The following GRM7 variants were observed in gnomAD, a reference collection of about 807,000 sequenced individuals.
GRM7 encodes metabotropic glutamate receptor 7.
GRM7 carries 35 observed loss-of-function variants against 84.5 expected under a neutral mutation model. The ratio of observed to expected loss-of-function variants is 0.41; its 90% confidence interval spans 0.32 to 0.55. GRM7 has a LOEUF of 0.55. Among genes scored for constraint, GRM7 ranks in the 20% least tolerant of loss-of-function variants. The pLI, the probability that GRM7 is intolerant of heterozygous loss-of-function variation, is 0.19. For synonymous variants in GRM7, 487 were observed against 455.1 expected, an observed-to-expected ratio of 1.07 and a Z score of -0.89; for missense variants, 1,003 against 1,194.6, an observed-to-expected ratio of 0.84 and a Z score of 2.36.
intron 2 of GRM7, among the ~76,000 whole-genome samples, chr3:7,279,942 C>A (rs1699199592): frequency 1.3e-5 from 2 of 152,092 alleles, no homozygotes; most frequent in Non-Finnish European, 2.9e-5. Context: ...GTAGCCTGTT[C>A]CCTTCCTTTC....
Position 7,578,460 on chromosome 3 carries a change from A to T in GRM7, c.1554A>T (p.Ile518=), listed in dbSNP as rs986339387. The T allele has an allele frequency of 6.2e-7, 1 of 1,613,474 alleles. No homozygotes were observed. The highest frequency in any genetic ancestry group is 1.1e-5 in the South Asian group (1 of 91,046). Residue 518 remains isoleucine, a synonymous_variant, in exon 8 of 10, where the codon ATA becomes ATT. Coordinates refer to ENST00000357716, the MANE Select transcript of GRM7 (RefSeq NM_000844.4). The part of the protein sequence containing the change: ...DMQWGKGVRE[I]PASVCTLPCK... ...AGTGGGGTAAAGGAGTCCGAGAGAT[A>T]CCCGCCTCAGTGTGCACACTACCAT... is the stretch of plus-strand genomic sequence containing the variant.
At chr3:7,201,607 T>C (rs1426211908) in intron 2 of GRM7, among the ~76,000 whole-genome samples, 1 of 152,226 alleles carries the variant, frequency 6.6e-6, no homozygotes, top group Non-Finnish European at 1.5e-5. Flanking sequence ...CCAGGTATTA[T>C]GTAAATATTT....
In GRM7 at chr3:7,057,139, T is replaced by G. The variant is rs538197087; in HGVS notation, c.520-89313T>G. On this transcript the variant is annotated intron_variant, in intron 1 of 9. Transcript: ENST00000357716. ...CTAACAAAGTAAGTGTTGCCTGTGA[T>G]AGATTCCTAGAAACTTGTTGAAATT... 2.6e-5 allele frequency among the ~76,000 whole-genome samples: 4 copies of G among 151,988 alleles called. 1 individual carries two copies. In the South Asian group the frequency reaches 8.3e-4, roughly 31 times the overall value.
chr3:6,862,908 C>G lies in GRM7; in HGVS notation c.519+1001C>G. On this transcript the variant is annotated intron_variant, in intron 1 of 9. Coordinates refer to ENST00000357716, the MANE Select transcript of GRM7 (RefSeq NM_000844.4). This position sits in a 1 kb window ranked among gnomAD's most constrained non-coding sequence, Gnocchi z 5.2. Reference sequence around the variant, plus strand: ...AGACGGAGAAAAAATGGGAGGAAGGCGGATCCGGGGCCGCTGAGCGGTGGG... The same window carrying G: ...AGACGGAGAAAAAATGGGAGGAAGGGGGATCCGGGGCCGCTGAGCGGTGGG... 4.7e-6 allele frequency: 2 copies of G among 426,016 alleles called. No individual in the cohort carries two copies. Among genetic ancestry groups the G allele is most frequent in the East Asian group, 8.0e-5 (1 of 12,578 alleles). The allele number at this position is 426,016 out of a possible 1,614,324, so 26.4% of individuals were successfully genotyped here.
intron 2 of GRM7, among the ~76,000 whole-genome samples, chr3:7,222,779 T>G (rs1696853207): frequency 6.6e-6 from 1 of 152,222 alleles, no homozygotes; most frequent in African/African-American, 2.4e-5. Flanking sequence ...CTAGATTTGT[T>G]GGTTTATTCT....
intron 3 of GRM7, among the ~76,000 whole-genome samples, chr3:7,301,389 T>A (rs1699995052): frequency 6.6e-6 from 1 of 152,210 alleles, no homozygotes; most frequent in African/African-American, 2.4e-5. Flanking sequence ...TTCCAGTACT[T>A]TAAAAAATAT....
chr3:7,590,730 TCA>T (rs1381157759), intron 8 of GRM7, among the ~76,000 whole-genome samples: 1 of 152,104 alleles, frequency 6.6e-6, no homozygotes, highest in Non-Finnish European at 1.5e-5. Context: ...TGTGTTCTTC[TCA>T]CCACTCGAAG....
At chr3:7,351,339 G>GAAAAAAAAA (rs768248079) in intron 4 of GRM7, among the ~76,000 whole-genome samples, 4 of 45,900 alleles carry the variant, frequency 8.7e-5, no homozygotes, top group African/African-American at 1.7e-4. Flanking sequence ...TCCCACAGGC[G>GAAAAAAAAA]AAAAAAAAAA....
At chr3:7,656,651 C>T (rs1006749978) in intron 8 of GRM7, among the ~76,000 whole-genome samples, 4 of 151,798 alleles carry the variant, frequency 2.6e-5, no homozygotes, top group African/African-American at 9.7e-5. Flanking sequence ...TAAAGTCTCT[C>T]TGGGAACATC....
At chr3:7,101,070 C>T (rs540593237) in intron 1 of GRM7, among the ~76,000 whole-genome samples, 1 of 151,824 alleles carries the variant, frequency 6.6e-6, no homozygotes, top group African/African-American at 2.4e-5. Context: ...TATCCCTGTA[C>T]AAGTCTTTTT....
intron 4 of GRM7, among the ~76,000 whole-genome samples, chr3:7,364,202 T>C (rs1375216695): frequency 1.3e-5 from 2 of 150,240 alleles, no homozygotes; most frequent in East Asian, 1.9e-4. Context: ...TAGATGTATA[T>C]ATATATCACA....
chr3:7,720,335 A>T (rs988383720), intron 9 of GRM7, among the ~76,000 whole-genome samples: 1 of 152,090 alleles, frequency 6.6e-6, no homozygotes, highest in East Asian at 1.9e-4. Flanking sequence ...AGCCATAACC[A>T]TTTCTCAAAA....
intron 4 of GRM7, among the ~76,000 whole-genome samples, chr3:7,324,058 T>C (rs906903858): frequency 1.8e-4 from 27 of 152,126 alleles, no homozygotes. Context: ...ATTCTAATTA[T>C]ATATTAGGAC....
Position 6,861,619 on chromosome 3 carries a change from C to T in GRM7, c.231C>T (p.His77=), listed in dbSNP as rs554674435. 2 of 1,613,082 alleles carry T rather than the reference C, an allele frequency of 1.2e-6. No homozygotes were observed. The highest frequency in any genetic ancestry group is 1.7e-5 in the Admixed American group (1 of 59,958). ...ACATCAAGAGGGAAAACGGGATCCACAGGCTGGAAGCGATGCTCTACGCCC... is the reference window on the plus strand; with the variant it reads ...ACATCAAGAGGGAAAACGGGATCCATAGGCTGGAAGCGATGCTCTACGCCC... ...CGDIKRENGI[H]RLEAMLYALD... Residue 77 remains histidine, a synonymous_variant, in exon 1 of 10, where the codon CAC becomes CAT. Transcript: ENST00000357716. The surrounding 1 kb of genome is among the most constrained non-coding windows in gnomAD (Gnocchi z 6.4).
At position 7,212,022 on chromosome 3, in the gene GRM7, A is replaced by T. The variant is rs550631933; in HGVS notation, c.736+65354A>T. 1.7e-3 allele frequency among the ~76,000 whole-genome samples: 261 copies of T among 151,836 alleles called. 4 individuals are homozygous for T. The highest frequency in any genetic ancestry group is 2.4e-3 in the Non-Finnish European group (161 of 67,960). The stretch of plus-strand genomic sequence containing the variant: ...CTTTCTTCAAATAGCATCAACTAGC[A>T]TAGGCCTGAACATCCCTTACCAAAC... On this transcript the variant is annotated intron_variant, in intron 2 of 9. Coordinates refer to ENST00000357716, the MANE Select transcript of GRM7 (RefSeq NM_000844.4).
intron 1 of GRM7, 71 bp from the exon 2 acceptor site, chr3:7,146,381 T>G: frequency 8.5e-7 from 1 of 1,170,902 alleles, no homozygotes; most frequent in South Asian, 1.2e-5. Context: ...TTAAGTAAAC[T>G]GTCATAAGTA....
chr3:7,026,252 C>T (rs889449219), intron 1 of GRM7, among the ~76,000 whole-genome samples: 2 of 152,168 alleles, frequency 1.3e-5, no homozygotes, highest in African/African-American at 4.8e-5. Context: ...CCAGAGCCAC[C>T]TACAAGTTGT....
chr3:6,889,052 G>A (rs1559308741), intron 1 of GRM7, among the ~76,000 whole-genome samples: 1 of 152,158 alleles, frequency 6.6e-6, no homozygotes, highest in South Asian at 2.1e-4. Flanking sequence ...TTGTGTATAA[G>A]AATGCTTGTG....
At chr3:7,011,072 A>T (rs1380572641) in intron 1 of GRM7, among the ~76,000 whole-genome samples, 1 of 152,148 alleles carries the variant, frequency 6.6e-6, no homozygotes, top group Non-Finnish European at 1.5e-5. Flanking sequence ...CTCCTGGCTA[A>T]CTCTACAACA....
Sources: allele counts gnomAD v4.1 joint callset (sites outside exome capture counted in the v4.1 genomes callset), GRCh38; gene constraint gnomAD v4.1.1; non-coding constraint Gnocchi (gnomAD v3.1); transcripts MANE v1.5; gene names NCBI Gene and HGNC (gene_info 2026-07-23, HGNC 2026-07-21).